Variants in GALNT14 observed in about 807,000 individuals in gnomAD.
The protein encoded by GALNT14 is UDP-GalNAc:polypeptide N-acetylgalactosaminyltransferase 14.
In GALNT14, 60 loss-of-function variants were observed where a neutral mutation model predicts 77.5. The observed-to-expected ratio is 0.77, with a 90% CI of 0.63 to 0.96. GALNT14 has a LOEUF of 0.96. Ranked by LOEUF, GALNT14 falls within the 40% of genes least tolerant of loss-of-function variation. GALNT14 has a pLI of 0.00. For synonymous variants in GALNT14, 280 were observed against 281.7 expected (o/e 0.99, Z 0.06); for missense variants, 710 against 731.0 (o/e 0.97, Z 0.33).
intron 1 of GALNT14, among the ~76,000 whole-genome samples, chr2:31,006,744 G>A (rs1315053399): frequency 6.6e-6 from 1 of 152,186 alleles, no homozygotes; most frequent in Non-Finnish European, 1.5e-5. Flanking sequence ...GTGCCCAAAG[G>A]TGCTAAACTG....
At chr2:31,104,192 A>G (rs1190810397) in intron 1 of GALNT14, among the ~76,000 whole-genome samples, 1 of 151,980 alleles carries the variant, frequency 6.6e-6, no homozygotes, top group Non-Finnish European at 1.5e-5. Context: ...CTTTTTATTT[A>G]TTGTTTACTT....
chr2:31,130,064 T>G (rs1678900809), intron 1 of GALNT14, among the ~76,000 whole-genome samples: 1 of 152,222 alleles, frequency 6.6e-6, no homozygotes, highest in Non-Finnish European at 1.5e-5. Context: ...CTGCATTTCC[T>G]TGAAAGATCT....
At chr2:30,946,898 C>T (rs1666729123) in intron 6 of GALNT14, among the ~76,000 whole-genome samples, 1 of 152,146 alleles carries the variant, frequency 6.6e-6, no homozygotes, top group African/African-American at 2.4e-5. Context: ...ATGCCATTGG[C>T]CACCTCCATG....
intron 6 of GALNT14, among the ~76,000 whole-genome samples, chr2:30,952,164 T>C (rs1667067593): frequency 6.6e-6 from 1 of 152,132 alleles, no homozygotes. Flanking sequence ...ATCATATAAA[T>C]ACAGTATTAT....
chr2:31,033,017 C>A (rs1026526767), intron 1 of GALNT14, among the ~76,000 whole-genome samples: 1 of 152,116 alleles, frequency 6.6e-6, no homozygotes, highest in Non-Finnish European at 1.5e-5. Flanking sequence ...ATCCTAGGGT[C>A]CTGAAACTGG....
chr2:31,095,139 C>G (rs919471413), intron 1 of GALNT14, among the ~76,000 whole-genome samples: 2 of 152,112 alleles, frequency 1.3e-5, no homozygotes, highest in African/African-American at 4.8e-5. Context: ...AAAAGTAAAA[C>G]AGGGGGCAAC....
chr2:30,992,799 T>C, intron 2 of GALNT14, 39 bp downstream of exon 2: 1 of 1,603,086 alleles, frequency 6.2e-7, no homozygotes, highest in East Asian at 2.2e-5. Flanking sequence ...TGATCTCTTT[T>C]GACTGCGGGG....
intron 2 of GALNT14, among the ~76,000 whole-genome samples, chr2:30,985,413 A>C (rs1422236801): frequency 6.6e-6 from 1 of 152,026 alleles, no homozygotes; most frequent in Non-Finnish European, 1.5e-5. Context: ...AAGACTGGGG[A>C]GGAATCCTGA....
At chr2:31,079,305 G>A (rs540701023) in intron 1 of GALNT14, among the ~76,000 whole-genome samples, 103 of 152,270 alleles carry the variant, frequency 6.8e-4, no homozygotes, top group Admixed American at 7.2e-4. Context: ...GCGTCAGGAC[G>A]TACCCTGAGA....
chr2:30,935,512 C>T lies in GALNT14; in HGVS notation c.932-3318G>A, dbSNP rs114453956. ...GAGATGAGTTAAGAGTGTCTCTACTCTGGAGTTCAGATTGTTATGCCTGGA... is the reference window on the plus strand; with the variant it reads ...GAGATGAGTTAAGAGTGTCTCTACTTTGGAGTTCAGATTGTTATGCCTGGA... On this transcript the variant is annotated intron_variant, in intron 9 of 14. Coordinates refer to ENST00000349752, the MANE Select transcript of GALNT14 (RefSeq NM_024572.4). Among the ~76,000 whole-genome samples the T allele has an allele frequency of 2.6e-3, 394 of 152,322 alleles. 1 individual carries two copies. Among genetic ancestry groups the T allele is most frequent in the African/African-American group, 9.1e-3 (377 of 41,574 alleles).
At chr2:31,011,445 A>AT (rs1372008226) in intron 1 of GALNT14, among the ~76,000 whole-genome samples, 1 of 152,150 alleles carries the variant, frequency 6.6e-6, no homozygotes, top group African/African-American at 2.4e-5. Context: ...TTTCCCACCT[A>AT]TAAAATATAG....
intron 1 of GALNT14, among the ~76,000 whole-genome samples, chr2:31,053,024 GC>G (rs927467042): frequency 6.6e-6 from 1 of 152,080 alleles, no homozygotes; most frequent in Non-Finnish European, 1.5e-5. Flanking sequence ...CACTCACTCA[GC>G]CCGGCCTAAC....
At chr2:31,010,598 G>C (rs1028169541) in intron 1 of GALNT14, among the ~76,000 whole-genome samples, 5 of 152,168 alleles carry the variant, frequency 3.3e-5, no homozygotes, top group Non-Finnish European at 4.4e-5. Context: ...CTGGGCAACA[G>C]AGAGAGACTC....
At chr2:31,076,423 C>T (rs775226731) in intron 1 of GALNT14, among the ~76,000 whole-genome samples, 16 of 152,112 alleles carry the variant, frequency 1.1e-4, no homozygotes, top group African/African-American at 9.7e-5. Flanking sequence ...TCTCCACCCC[C>T]GCTCTGAGAC....
chr2:31,053,565 A>T (rs904906336), intron 1 of GALNT14, among the ~76,000 whole-genome samples: 15 of 152,130 alleles, frequency 9.9e-5, no homozygotes, highest in Non-Finnish European at 1.2e-4. Context: ...CAAAAATGCA[A>T]CCAGGGACCA....
intron 1 of GALNT14, among the ~76,000 whole-genome samples, chr2:31,025,082 A>G (rs1373433894): frequency 6.6e-6 from 1 of 152,236 alleles, no homozygotes; most frequent in Non-Finnish European, 1.5e-5. Flanking sequence ...ATAGTTATTA[A>G]GACAATAGTT....
At chr2:30,993,032 G>A (rs1175485512) in intron 1 of GALNT14, 25 bp from the exon 2 acceptor site, 1 of 1,611,124 alleles carries the variant, frequency 6.2e-7, no homozygotes, top group African/African-American at 1.3e-5. Context: ...TGGGAAGTCT[G>A]TGAGAACGGC....
intron 2 of GALNT14, among the ~76,000 whole-genome samples, chr2:30,967,126 C>A (rs779687556): frequency 6.6e-6 from 1 of 152,094 alleles, no homozygotes; most frequent in Non-Finnish European, 1.5e-5. Context: ...AAATAACAGA[C>A]TTTAGGGAGT....
At chr2:31,015,177 A>G (rs996408176) in intron 1 of GALNT14, among the ~76,000 whole-genome samples, 6 of 151,976 alleles carry the variant, frequency 3.9e-5, no homozygotes, top group African/African-American at 1.5e-4. Context: ...CTGTAATCCC[A>G]GCTACTTGGG....
Sources: allele counts gnomAD v4.1 joint callset (sites outside exome capture counted in the v4.1 genomes callset), GRCh38; gene constraint gnomAD v4.1.1; transcripts MANE v1.5; gene names NCBI Gene and HGNC (gene_info 2026-07-23, HGNC 2026-07-21).